The following PCDHA4 variants were observed in gnomAD, a reference collection of about 807,000 sequenced individuals.
PCDHA4 encodes the protein protocadherin alpha-4.
In PCDHA4, 49 loss-of-function variants were observed where a neutral mutation model predicts 61.4. That is an observed-to-expected ratio of 0.80 (90% CI 0.63 to 1.01). The LOEUF (loss-of-function observed/expected upper bound fraction) is 1.01, where lower values mean the gene tolerates loss of function less well. Ranked by LOEUF, PCDHA4 falls within the 50% of genes least tolerant of loss-of-function variation. The pLI, the probability that PCDHA4 is intolerant of heterozygous loss-of-function variation, is 0.00. For synonymous variants in PCDHA4, 590 were observed against 550.3 expected, an observed-to-expected ratio of 1.07 and a Z score of -1.01; for missense variants, 1,254 against 1,235.8, an observed-to-expected ratio of 1.01 and a Z score of -0.22.
chr5:140,856,238 C>T lies in PCDHA4; in HGVS notation c.2385+46666C>T, dbSNP rs1250461159. On this transcript the variant is annotated intron_variant, in intron 1 of 3. Transcript: ENST00000530339. ...GGCGGAGCTGGTGCAGCGCCTGTTC[C>T]GGGTGGCGTCCAAAAGACACGGGGA... The T allele has an allele frequency of 5.6e-6, 9 of 1,597,934 alleles. 1 individual carries two copies. Among genetic ancestry groups the T allele is most frequent in the Non-Finnish European group, 7.7e-6 (9 of 1,167,850 alleles).
chr5:140,823,389 C>G (rs199642773), intron 1 of PCDHA4: 2 of 1,612,876 alleles, frequency 1.2e-6, no homozygotes, highest in Non-Finnish European at 1.7e-6. Context: ...GCGCGCGCGA[C>G]GCGGGCGTGC....
intron 1 of PCDHA4, among the ~76,000 whole-genome samples, chr5:140,844,768 A>T (rs1393126027): frequency 6.7e-6 from 1 of 149,242 alleles, no homozygotes; most frequent in African/African-American, 2.5e-5. Context: ...AAAATCCAAG[A>T]TACTTTATTT....
intron 1 of PCDHA4, chr5:140,853,806 A>T: frequency 4.1e-6 from 4 of 986,824 alleles, no homozygotes; most frequent in Non-Finnish European, 4.9e-6. Context: ...TTTAAAGCAC[A>T]CCTGAGATGA....
chr5:140,994,428 C>T lies in PCDHA4; in HGVS notation c.2533+11865C>T, dbSNP rs183026150. Among the ~76,000 whole-genome samples, 15 of 152,198 alleles carry T rather than the reference C, an allele frequency of 9.9e-5. No individual in the cohort carries two copies. The South Asian group carries it at 1.2e-3, about 13-fold the overall frequency. On this transcript the variant is annotated intron_variant, in intron 3 of 3. Transcript: ENST00000530339. ...TTTAATACTGGATATTGAGGCCGGGCGCAGTGGCTCACACCTGTGATCCCA... is the reference window on the plus strand; with the variant it reads ...TTTAATACTGGATATTGAGGCCGGGTGCAGTGGCTCACACCTGTGATCCCA...
At chr5:140,875,251 A>T in intron 1 of PCDHA4, 1 of 1,029,376 alleles carries the variant, frequency 9.7e-7, no homozygotes. Context: ...ATAATCAGTC[A>T]CATGATGTCG....
At chr5:140,896,033 A>G (rs994719566) in intron 1 of PCDHA4, among the ~76,000 whole-genome samples, 2 of 151,874 alleles carry the variant, frequency 1.3e-5, no homozygotes, top group East Asian at 1.9e-4. Flanking sequence ...CTGGTCTCGA[A>G]CTCCTGACCT....
intron 1 of PCDHA4, among the ~76,000 whole-genome samples, chr5:140,960,487 GGTTT>G: frequency 6.6e-6 from 1 of 152,236 alleles, no homozygotes; most frequent in South Asian, 2.1e-4. Context: ...CAGAGGTGTA[GGTTT>G]GTTTGTTCCA....
rs200664126 is a variant in PCDHA4 at position 140,843,124 on chromosome 5, G to A, written c.2385+33552G>A. 390 of 1,595,868 alleles carry A rather than the reference G, an allele frequency of 2.4e-4. 33 individuals are homozygous for A. Among genetic ancestry groups the A allele is most frequent in the Non-Finnish European group, 2.8e-4 (332 of 1,165,564 alleles). ...AGGTGCGCGCAGTGGACGCCGACTCGGGCTACAACGCGTGGCTTTCGTATG... is the reference window on the plus strand; with the variant it reads ...AGGTGCGCGCAGTGGACGCCGACTCAGGCTACAACGCGTGGCTTTCGTATG... On this transcript the variant is annotated intron_variant, in intron 1 of 3. Coordinates refer to ENST00000530339, the MANE Select transcript of PCDHA4 (RefSeq NM_018907.4).
In PCDHA4 at chr5:140,842,931, C is replaced by T. The variant is rs1778399596; in HGVS notation, c.2385+33359C>T. Reference sequence around the variant, plus strand: ...GAGCTGCTGCAGTTCCAGGTGAGCGCGCGCGACGCGGGCGTGCCGCCTCTG... The same window carrying T: ...GAGCTGCTGCAGTTCCAGGTGAGCGTGCGCGACGCGGGCGTGCCGCCTCTG... On this transcript the variant is annotated intron_variant, in intron 1 of 3. Coordinates refer to ENST00000530339, the MANE Select transcript of PCDHA4 (RefSeq NM_018907.4). The T allele has an allele frequency of 1.9e-6, 3 of 1,594,502 alleles. 1 individual carries two copies. Among genetic ancestry groups the T allele is most frequent in the Non-Finnish European group, 2.6e-6 (3 of 1,165,448 alleles).
At chr5:140,826,420 T>C (rs2150143820) in intron 1 of PCDHA4, among the ~76,000 whole-genome samples, 1 of 152,194 alleles carries the variant, frequency 6.6e-6, no homozygotes, top group Non-Finnish European at 1.5e-5. Context: ...TATTTTAAGA[T>C]AGAATTTCAC....
chr5:140,883,238 G>C (rs782322627), intron 1 of PCDHA4: 1 of 1,613,886 alleles, frequency 6.2e-7, no homozygotes, highest in African/African-American at 1.3e-5. Context: ...GGAGGCAGTT[G>C]ACAAAGGAAA....
intron 3 of PCDHA4, among the ~76,000 whole-genome samples, chr5:141,005,799 T>A (rs1207641244): frequency 7.5e-6 from 1 of 133,220 alleles, no homozygotes; most frequent in African/African-American, 2.8e-5. Context: ...CAAAAACAAC[T>A]CCAAGGAGCC....
At position 140,823,478 on chromosome 5, in the gene PCDHA4, G is replaced by A. The variant is rs2150126228; in HGVS notation, c.2385+13906G>A. ...AACGCGCCGGCGCTGCTGGTGCCTC[G>A]AGTGGGTGGCACCGGCGGCGCAGTG... On this transcript the variant is annotated intron_variant, in intron 1 of 3. Coordinates refer to ENST00000530339, the MANE Select transcript of PCDHA4 (RefSeq NM_018907.4). 51 of 1,613,354 alleles carry A rather than the reference G, an allele frequency of 3.2e-5. No homozygotes were observed. Among genetic ancestry groups the A allele is most frequent in the Non-Finnish European group, 3.7e-5 (44 of 1,179,732 alleles).
At chr5:140,882,105 A>G in intron 1 of PCDHA4, 1 of 1,349,526 alleles carries the variant, frequency 7.4e-7, no homozygotes, top group Admixed American at 2.5e-5. Flanking sequence ...GTTTCCGCGA[A>G]GAAAGCCGCC....
chr5:140,830,154 G>T (rs2150182095), intron 1 of PCDHA4: 1 of 1,613,332 alleles, frequency 6.2e-7, no homozygotes, highest in South Asian at 1.1e-5. Flanking sequence ...GGCGCCGCGG[G>T]CCCAGAGGCG....
chr5:140,836,387 G>A lies in PCDHA4; in HGVS notation c.2385+26815G>A, dbSNP rs1435398883. The A allele has an allele frequency of 6.2e-6, 10 of 1,613,630 alleles. 1 individual carries two copies. The highest frequency in any genetic ancestry group is 7.6e-6 in the Non-Finnish European group (9 of 1,179,846). On this transcript the variant is annotated intron_variant, in intron 1 of 3. Transcript: ENST00000530339. Reference sequence around the variant, plus strand: ...CAGCCACAGCCACCGTGCTGGTGTCGCTGGTGGAAAGCGGCCAGGCACCAA... The same window carrying A: ...CAGCCACAGCCACCGTGCTGGTGTCACTGGTGGAAAGCGGCCAGGCACCAA...
intron 1 of PCDHA4, among the ~76,000 whole-genome samples, chr5:140,933,721 C>G (rs957167505): frequency 6.6e-6 from 1 of 151,982 alleles, no homozygotes; most frequent in Non-Finnish European, 1.5e-5. Flanking sequence ...ATTGGTGATA[C>G]AGCTTTCTTA....
At position 140,849,055 on chromosome 5, in the gene PCDHA4, A is replaced by G; in HGVS notation, c.2385+39483A>G. The G allele has an allele frequency of 5.8e-6, 9 of 1,555,688 alleles. No individual in the cohort carries two copies. The Middle Eastern group carries it at 8.5e-4, about 147-fold the overall frequency. ...TTCCTGGACGTGCCAACCAGCAACC[A>G]GCAGGTAAAACCTCTTGGACTTGTA... On this transcript the variant is annotated intron_variant, in intron 1 of 3. Coordinates refer to ENST00000530339, the MANE Select transcript of PCDHA4 (RefSeq NM_018907.4).
intron 1 of PCDHA4, chr5:140,871,297 G>A (rs781824958): frequency 5.6e-6 from 9 of 1,613,778 alleles, no homozygotes; most frequent in African/African-American, 5.3e-5. Context: ...GGGCGCGTGC[G>A]CGCCGGGGAA....
Sources: allele counts gnomAD v4.1 joint callset (sites outside exome capture counted in the v4.1 genomes callset), GRCh38; gene constraint gnomAD v4.1.1; transcripts MANE v1.5; gene names NCBI Gene and HGNC (gene_info 2026-07-23, HGNC 2026-07-21).